SANBR: variants seen among roughly 807,000 people sequenced by gnomAD.
SANBR encodes the protein SANT and BTB domain regulator of class switch recombination.
SANBR carries 77 observed loss-of-function variants against 101.8 expected under a neutral mutation model. The ratio of observed to expected loss-of-function variants is 0.76; its 90% CI spans 0.63 to 0.91. SANBR has a LOEUF of 0.91. Ranked by LOEUF, SANBR falls within the 40% of genes least tolerant of loss-of-function variation. SANBR has a pLI of 0.00. For synonymous variants in SANBR, 279 were observed against 274.7 expected (o/e 1.02, Z -0.15); for missense variants, 875 against 853.0 (o/e 1.03, Z -0.32).
At chr2:61,077,411 T>C (rs1260402134) in intron 6 of SANBR, among the ~76,000 whole-genome samples, 1 of 152,156 alleles carries the variant, frequency 6.6e-6, no homozygotes, top group Non-Finnish European at 1.5e-5. Context: ...GGGACCCTTT[T>C]AGAGGGTCTA....
chr2:61,123,201 A>T lies in SANBR; in HGVS notation c.*1039A>T, dbSNP rs1684401838. On this transcript the variant is annotated 3_prime_UTR_variant, in exon 22 of 22. Transcript: ENST00000402291. ...ATAATAAATTATGTGTTTGTAAATTATATGTAGGTCTCTGAAAAACTTTAA... is the reference window on the plus strand; with the variant it reads ...ATAATAAATTATGTGTTTGTAAATTTTATGTAGGTCTCTGAAAAACTTTAA... 10 of 977,042 alleles carry T rather than the reference A, an allele frequency of 1.0e-5. No individual in the cohort carries two copies. The highest frequency in any genetic ancestry group is 1.2e-5 in the Non-Finnish European group (10 of 822,142). 60.5% of individuals were successfully genotyped at this position (977,042 alleles called of 1,614,324 possible). A position where few individuals can be genotyped will look rare whatever the true frequency, so the allele number is the denominator to read the frequency against.
At chr2:61,098,845 C>T (rs1683158768) in intron 12 of SANBR, among the ~76,000 whole-genome samples, 1 of 152,126 alleles carries the variant, frequency 6.6e-6, no homozygotes, top group South Asian at 2.1e-4. Context: ...TCATTTATGC[C>T]TTTATGGAAC....
At chr2:61,086,888 A>C (rs987634064) in intron 8 of SANBR, among the ~76,000 whole-genome samples, 2 of 152,184 alleles carry the variant, frequency 1.3e-5, no homozygotes, top group Admixed American at 6.5e-5. Context: ...TCCAAGAGCT[A>C]AATAATTGAA....
chr2:61,103,937 T>C lies in SANBR; in HGVS notation c.1450T>C (p.Leu484=). 1 of 1,614,204 alleles carries C rather than the reference T, an allele frequency of 6.2e-7. No homozygotes were observed. The highest frequency in any genetic ancestry group is 1.1e-5 in the South Asian group (1 of 91,088). ...DLPSCPTARM[L]DDLHKYRDVI... ...GCCGTCCTGTCCCACTGCTAGAATG[T>C]TGGACGATTTGCACAAGTACAGAGA... is the stretch of plus-strand genomic sequence containing the variant. The change falls in exon 13 of 22, where the codon TTG becomes CTG. Residue 484 remains leucine (L), a synonymous_variant. Transcript: ENST00000402291.
At chr2:61,091,187 T>C (rs1354735793) in intron 10 of SANBR, among the ~76,000 whole-genome samples, 2 of 152,202 alleles carry the variant, frequency 1.3e-5, no homozygotes, top group Non-Finnish European at 2.9e-5. Context: ...ATCAGGCCTA[T>C]AATCCCAGCA....
At chr2:61,134,043 A>G in intron 20 of SANBR, 1 of 1,546,014 alleles carries the variant, frequency 6.5e-7, no homozygotes, top group South Asian at 1.2e-5. Flanking sequence ...ATTTATCCTA[A>G]CAGCTACATC....
At chr2:61,084,643 GGTTGT>G (rs1195443134) in intron 8 of SANBR, among the ~76,000 whole-genome samples, 3 of 152,124 alleles carry the variant, frequency 2.0e-5, no homozygotes, top group Admixed American at 6.5e-5. Flanking sequence ...ATCATTTAAG[GGTTGT>G]TTAGGTCATA....
chr2:61,088,296 C>T, intron 9 of SANBR, 51 bp downstream of exon 9: 2 of 1,562,702 alleles, frequency 1.3e-6, no homozygotes, highest in Non-Finnish European at 1.7e-6. Flanking sequence ...CAGCTATATT[C>T]TTTAATTTAC....
intron 14 of SANBR, 93 bp downstream of exon 14, chr2:61,106,755 G>A: frequency 4.1e-6 from 3 of 723,078 alleles, no homozygotes; most frequent in Non-Finnish European, 6.7e-6. Context: ...AGTTGAAATT[G>A]AACTGACTAC....
chr2:61,087,196 C>G (rs1342933150), intron 8 of SANBR, among the ~76,000 whole-genome samples: 1 of 152,014 alleles, frequency 6.6e-6, no homozygotes, highest in East Asian at 1.9e-4. Flanking sequence ...GATCATATAC[C>G]TAGTTATTGG....
At chr2:61,134,374 G>T (rs879432624) in intron 21 of SANBR, 2 of 1,201,988 alleles carry the variant, frequency 1.7e-6, no homozygotes, top group Admixed American at 2.5e-5. Flanking sequence ...CTTGGCTCAC[G>T]TTATTCCCCC....
At chr2:61,090,024 G>A (rs1682658437) in intron 10 of SANBR, among the ~76,000 whole-genome samples, 1 of 152,076 alleles carries the variant, frequency 6.6e-6, no homozygotes, top group Non-Finnish European at 1.5e-5. Context: ...AAAATTAGCT[G>A]AGCATGGCAA....
rs1208272870 is a variant in SANBR at position 61,109,679 on chromosome 2, TTG to T, written c.1744+385_1744+386del. Among the ~76,000 whole-genome samples, 25 of 140,522 alleles carry T rather than the reference TTG, an allele frequency of 1.8e-4. 2 individuals are homozygous for T. The highest frequency in any genetic ancestry group is 4.7e-4 in the African/African-American group (17 of 35,888). 92.2% of individuals were successfully genotyped at this position (140,522 alleles called of 152,430 possible). Reference sequence around the variant, plus strand: ...AGTGGAAAGCATGTTTTTTTTGTGTTTGTTTTTTTTTTTTTTTTTTTGAGGCA... The same window carrying T: ...AGTGGAAAGCATGTTTTTTTTGTGTTTTTTTTTTTTTTTTTTTTTGAGGCA... On this transcript the variant is annotated intron_variant, in intron 16 of 21. Transcript: ENST00000402291.
rs141616577 is a variant in SANBR at position 61,097,767 on chromosome 2, C to G, written c.1280C>G (p.Ala427Gly). ...GAAACAGTGGTTTATCCTACTGCAGCAAGTTCATTGAATACTGTTGGCACT... is the reference window on the plus strand; with the variant it reads ...GAAACAGTGGTTTATCCTACTGCAGGAAGTTCATTGAATACTGTTGGCACT... The part of the protein sequence containing the change: ...HSETVVYPTA[A>G]SSLNTVGTGI... Residue 427 changes from alanine to glycine, a missense_variant, in exon 12 of 22, where the codon GCA (alanine) becomes GGA (glycine). Coordinates refer to ENST00000402291, the MANE Select transcript of SANBR (RefSeq NM_001129993.3). 1.4e-4 allele frequency: 223 copies of G among 1,612,642 alleles called. No individual in the cohort carries two copies. The African/African-American group carries it at 2.9e-3, about 21-fold the overall frequency.
chr2:61,114,290 A>C (rs1240771631), intron 16 of SANBR, among the ~76,000 whole-genome samples: 1 of 152,218 alleles, frequency 6.6e-6, no homozygotes, highest in Non-Finnish European at 1.5e-5. Context: ...TATTCAGCAC[A>C]CATTAAACGA....
chr2:61,134,274 ATCG>A lies in SANBR; in HGVS notation c.*44_*44+2del. ...AAGGACTTGGAATACTGCTTGACAT[ATCG>A]TAAGTGCTCAAAAATGTTAGCTATT... On this transcript the variant is annotated splice_donor_variant and 3_prime_UTR_variant, in exon 21 of 22. Coordinates refer to the SANBR transcript ENST00000295031. LOFTEE classifies it low-confidence loss of function (3UTR_SPLICE). 6.4e-7 allele frequency: 1 copy of A among 1,553,550 alleles called. No individual in the cohort carries two copies. Among genetic ancestry groups the A allele is most frequent in the Non-Finnish European group, 8.7e-7 (1 of 1,145,076 alleles).
intron 7 of SANBR, 107 bp downstream of exon 7, chr2:61,081,617 A>G: frequency 8.3e-7 from 1 of 1,198,698 alleles, no homozygotes. Flanking sequence ...TTGTTAATTG[A>G]AAAAACAATT....
In SANBR at chr2:61,077,073, T is replaced by C. The variant is rs140059262; in HGVS notation, c.585T>C (p.His195=). 2 of 1,614,154 alleles carry C rather than the reference T, an allele frequency of 1.2e-6. No homozygotes were observed. The highest frequency in any genetic ancestry group is 1.1e-5 in the South Asian group (1 of 91,088). ...QRWEEVDISV[H]CDVHIFNWLI... The stretch of plus-strand genomic sequence containing the variant: ...GGGAAGAGGTGGACATTTCAGTTCA[T>C]TGCGACGTTCACATTTTCAACTGGT... The change falls in exon 6 of 22, where the codon CAT becomes CAC. Residue 195 remains histidine (H), a synonymous_variant. Coordinates refer to ENST00000402291, the MANE Select transcript of SANBR (RefSeq NM_001129993.3).
At position 61,106,502 on chromosome 2, in the gene SANBR, T is replaced by C. The variant is rs1683574797; in HGVS notation, c.1512-61T>C. The C allele has an allele frequency of 1.7e-5, 19 of 1,134,736 alleles. No individual in the cohort carries two copies. In the South Asian group the frequency reaches 2.1e-4, roughly 12 times the overall value. 70.3% of individuals were successfully genotyped at this position (1,134,736 alleles called of 1,614,324 possible). A position where few individuals can be genotyped will look rare whatever the true frequency, so the allele number is the denominator to read the frequency against. On this transcript the variant is annotated intron_variant, in intron 13 of 21. Coordinates refer to ENST00000402291, the MANE Select transcript of SANBR (RefSeq NM_001129993.3). Reference sequence around the variant, plus strand: ...TTGAAACATTTGTAATAAAAAGATATTCACATTTAAATTTTTAAGAAAGTA... The same window carrying C: ...TTGAAACATTTGTAATAAAAAGATACTCACATTTAAATTTTTAAGAAAGTA...
Sources: gnomAD v4.1 joint callset for allele counts (sites outside exome capture counted in the v4.1 genomes callset) on GRCh38, gnomAD v4.1.1 for gene constraint, MANE v1.5 for transcripts, NCBI Gene and HGNC (gene_info 2026-07-23, HGNC 2026-07-21) for gene names.